PIK3CD: variants seen among roughly 807,000 people sequenced by gnomAD.
The protein encoded by PIK3CD is phosphatidylinositol-4,5-bisphosphate 3-kinase catalytic subunit delta, also known as phosphatidylinositol 4,5-bisphosphate 3-kinase catalytic subunit delta isoform.
Under a neutral mutation model 122.9 loss-of-function variants are expected in PIK3CD, and 20 were observed. That is an observed-to-expected ratio of 0.16 (90% CI 0.11 to 0.24). The LOEUF (loss-of-function observed/expected upper bound fraction) is 0.24. Among genes scored for constraint, PIK3CD ranks in the 10% least tolerant of loss-of-function variants. The pLI is 1.00. For synonymous variants in PIK3CD, 596 were observed against 593.4 expected (o/e 1.00, Z -0.06); for missense variants, 787 against 1,406.3 (o/e 0.56, Z 7.04).
intron 23 of PIK3CD, 116 bp downstream of exon 23, chr1:9,725,052 TGC>T: frequency 2.3e-6 from 3 of 1,299,068 alleles, no homozygotes; most frequent in Non-Finnish European, 3.2e-6. Context: ...GAGCTGTGTG[TGC>T]CTCATGCCGT....
intron 6 of PIK3CD, 38 bp from the exon 7 acceptor site, chr1:9,716,921 G>GA: frequency 6.2e-7 from 1 of 1,613,004 alleles, no homozygotes; most frequent in South Asian, 1.1e-5. Context: ...AGTGGTTGGG[G>GA]CCGCCCCACC....
In PIK3CD at chr1:9,718,937, G is replaced by A. The variant is rs756436538; in HGVS notation, c.1242+22G>A. 27 of 1,605,802 alleles carry A rather than the reference G, an allele frequency of 1.7e-5. No homozygotes were observed. The highest frequency in any genetic ancestry group is 2.3e-5 in the Non-Finnish European group (27 of 1,176,064). Reference sequence around the variant, plus strand: ...GGCGGTGGGTCCCAGGGCCGGCTGGGAGGGGTGCAGACCCCGGAGAGCCAG... The same window carrying A: ...GGCGGTGGGTCCCAGGGCCGGCTGGAAGGGGTGCAGACCCCGGAGAGCCAG... On this transcript the variant is annotated intron_variant, in intron 9 of 23. Coordinates refer to ENST00000377346, the MANE Select transcript of PIK3CD (RefSeq NM_005026.5). This position sits in a 1 kb window ranked among gnomAD's most constrained non-coding sequence, Gnocchi z 7.2.
intron 1 of PIK3CD, among the ~76,000 whole-genome samples, chr1:9,683,506 A>G (rs1645851249): frequency 6.6e-6 from 1 of 151,566 alleles, no homozygotes; most frequent in South Asian, 2.1e-4. Context: ...TAGCAGTGGG[A>G]CAACTTGGTG....
In PIK3CD at chr1:9,684,888, A is replaced by AAT. The variant is rs1179707553; in HGVS notation, c.-137-6578_-137-6577dup. Among the ~76,000 whole-genome samples the AAT allele has an allele frequency of 4.6e-5, 7 of 151,012 alleles. No individual in the cohort carries two copies. In the South Asian group the frequency reaches 6.3e-4, roughly 14 times the overall value. ...AAAGAAAAAAGAAAAAAGAATGAGC[A>AAT]ATGCAAACCCAAGCTTTTTTTTTTT... On this transcript the variant is annotated intron_variant, in intron 1 of 23. Coordinates refer to ENST00000377346, the MANE Select transcript of PIK3CD (RefSeq NM_005026.5).
chr1:9,657,716 C>G (rs1302570665), intron 1 of PIK3CD, among the ~76,000 whole-genome samples: 70 of 151,822 alleles, frequency 4.6e-4, no homozygotes, highest in Non-Finnish European at 8.8e-5. Context: ...CAGGGCTACT[C>G]TCTCTCTCTC....
chr1:9,725,381 C>A (rs1416893925), intron 23 of PIK3CD, among the ~76,000 whole-genome samples: 1 of 151,342 alleles, frequency 6.6e-6, no homozygotes, highest in Admixed American at 6.6e-5. Flanking sequence ...TGGAGAAACC[C>A]CGTCTCTACT....
In PIK3CD at chr1:9,715,702, G is replaced by A; in HGVS notation, c.303G>A (p.Leu101=). ...DVQPFLPVLR[L]VAREGDRVKK... is the part of the protein sequence containing the mutation. The stretch of plus-strand genomic sequence containing the variant: ...AGCCCTTCCTGCCCGTCCTGCGCCT[G>A]GTGGCCCGTGAGGGCGACCGCGTGA... Residue 101 remains leucine, a synonymous_variant, in exon 4 of 24, where the codon CTG becomes CTA. Coordinates refer to ENST00000377346, the MANE Select transcript of PIK3CD (RefSeq NM_005026.5). The surrounding 1 kb of genome is among the most constrained non-coding windows in gnomAD (Gnocchi z 4.1). 1 of 1,613,612 alleles carries A rather than the reference G, an allele frequency of 6.2e-7. No individual in the cohort carries two copies.
At chr1:9,726,718 G>A (rs370848404) in intron 23 of PIK3CD, among the ~76,000 whole-genome samples, 191 bp from the exon 24 acceptor site, 3 of 152,040 alleles carry the variant, frequency 2.0e-5, no homozygotes, top group Non-Finnish European at 2.9e-5. Context: ...TTGGGAACTG[G>A]GGGCTCTGGG....
chr1:9,635,695 C>T, the PIK3CD span, among the ~76,000 whole-genome samples: 1 of 152,236 alleles, frequency 6.6e-6, no homozygotes, highest in Middle Eastern at 3.2e-3. Flanking sequence ...CGGAGCTGGG[C>T]ATCCATTGCC....
At position 9,710,358 on chromosome 1, in the gene PIK3CD, A is replaced by C; in HGVS notation, c.-32-66A>C. The C allele has an allele frequency of 7.8e-7, 1 of 1,274,712 alleles. No homozygotes were observed. The highest frequency in any genetic ancestry group is 1.1e-6 in the Non-Finnish European group (1 of 875,022). The allele number at this position is 1,274,712 out of a possible 1,614,324, so 79.0% of individuals were successfully genotyped here. ...CCAAGGACCCCACTGTTTTCCAGGG[A>C]GTCCCTTCCAAAGGTCTCACCCAGC... On this transcript the variant is annotated intron_variant, in intron 2 of 23. Coordinates refer to ENST00000377346, the MANE Select transcript of PIK3CD (RefSeq NM_005026.5). The surrounding 1 kb of genome is among the most constrained non-coding windows in gnomAD (Gnocchi z 4.7).
intron 1 of PIK3CD, among the ~76,000 whole-genome samples, chr1:9,687,813 T>C (rs1646028839): frequency 6.6e-6 from 1 of 152,196 alleles, no homozygotes; most frequent in African/African-American, 2.4e-5. Flanking sequence ...TTTGAGTGAA[T>C]GTCTGTGTGT....
Position 9,720,099 on chromosome 1 carries a change from C to T in PIK3CD, c.1340-13C>T. 6.2e-7 allele frequency: 1 copy of T among 1,613,298 alleles called. No homozygotes were observed. The highest frequency in any genetic ancestry group is 8.5e-7 in the Non-Finnish European group (1 of 1,179,980). ...GGTCACCCCTCTACAACTTCATCTGCCCCTGTGTTCAGATGAGAAGGGCGA... is the reference window on the plus strand; with the variant it reads ...GGTCACCCCTCTACAACTTCATCTGTCCCTGTGTTCAGATGAGAAGGGCGA... On this transcript the variant is annotated splice_polypyrimidine_tract_variant and intron_variant, in intron 10 of 23. Transcript: ENST00000377346. This position sits in a 1 kb window ranked among gnomAD's most constrained non-coding sequence, Gnocchi z 9.0.
In PIK3CD at chr1:9,721,229, A is replaced by C. The variant is rs752748467; in HGVS notation, c.1792A>C (p.Lys598Gln). The change falls in exon 14 of 24, where the codon AAG becomes CAG. Residue 598 changes from lysine (K) to glutamine (Q), a missense_variant. This residue lies in a region of PIK3CD where 592 missense variants were observed against 920.6 expected (regional missense o/e 0.64). Transcript: ENST00000377346. ...PDCHVGSFAIKSLRKLTDDEL... is the reference protein window; with the variant it reads ...PDCHVGSFAIQSLRKLTDDEL... Reference sequence around the variant, plus strand: ...TTGCCACGTAGGCTCCTTCGCCATCAAGTCGCTGCGGAAACTGACGTGAGT... The same window carrying C: ...TTGCCACGTAGGCTCCTTCGCCATCCAGTCGCTGCGGAAACTGACGTGAGT... 1 of 1,613,350 alleles carries C rather than the reference A, an allele frequency of 6.2e-7. No homozygotes were observed. Among genetic ancestry groups the C allele is most frequent in the Non-Finnish European group, 8.5e-7 (1 of 1,179,968 alleles).
upstream of PIK3CD, among the ~76,000 whole-genome samples, chr1:9,649,956 A>G (rs1386128350): frequency 6.6e-6 from 1 of 152,146 alleles, no homozygotes; most frequent in East Asian, 1.9e-4. Flanking sequence ...TACCCTCTAA[A>G]TTCCTTGGCT....
chr1:9,628,025 G>C, the PIK3CD span, among the ~76,000 whole-genome samples: 1 of 152,230 alleles, frequency 6.6e-6, no homozygotes, highest in African/African-American at 2.4e-5. Context: ...ATCCAGCCTG[G>C]GCGACAGAGC....
intron 1 of PIK3CD, among the ~76,000 whole-genome samples, chr1:9,686,365 C>CTTT (rs59087456): frequency 0.11 from 14,997 of 137,546 alleles, 1,219 homozygotes; most frequent in South Asian, 0.2. Flanking sequence ...GGCTAATTTT[C>CTTT]TTTTTTTTTT....
rs1010793371 is a variant in PIK3CD, at chr1:9,728,499, A to G, written c.*1453A>G. The G allele has an allele frequency of 6.6e-6, 1 of 152,216 alleles. No individual in the cohort carries two copies. The highest frequency in any genetic ancestry group is 1.5e-5 in the Non-Finnish European group (1 of 68,066). The allele number at this position is 152,216 out of a possible 1,614,324, so 9.4% of individuals were successfully genotyped here. ...TTTCTCAAAGGTCTTCCAAAACTCA[A>G]CAGAGCCAGAAGTAGCCGCCCGCTC... On this transcript the variant is annotated 3_prime_UTR_variant, in exon 24 of 24. Transcript: ENST00000377346.
chr1:9,711,113 T>C (rs1647036262), intron 3 of PIK3CD, among the ~76,000 whole-genome samples: 1 of 152,096 alleles, frequency 6.6e-6, no homozygotes, highest in East Asian at 1.9e-4. Flanking sequence ...TTTTGTTTTT[T>C]GAGACAATCT....
the PIK3CD span, among the ~76,000 whole-genome samples, chr1:9,633,789 C>A: frequency 6.6e-6 from 1 of 152,068 alleles, no homozygotes; most frequent in Admixed American, 6.6e-5. Flanking sequence ...TCTCTAATTT[C>A]TCTTGGAATG....
Sources: allele counts gnomAD v4.1 joint callset (sites outside exome capture counted in the v4.1 genomes callset), GRCh38; gene constraint gnomAD v4.1.1; regional missense constraint gnomAD v4.1.1; non-coding constraint Gnocchi (gnomAD v3.1); transcripts MANE v1.5; gene names NCBI Gene and HGNC (gene_info 2026-07-23, HGNC 2026-07-21).